Variants in DOCK1 observed in about 807,000 individuals in gnomAD.
DOCK1 encodes the protein dedicator of cytokinesis 1.
A neutral mutation model predicts 262.7 loss-of-function variants in DOCK1; 138 were observed. The observed-to-expected ratio is 0.53, with a 90% CI of 0.46 to 0.61. The LOEUF (loss-of-function observed/expected upper bound fraction) is 0.61, where lower values mean the gene tolerates loss of function less well. Ranked by LOEUF, DOCK1 falls within the 20% of genes least tolerant of loss-of-function variation. The pLI is 0.00. For missense variants in DOCK1, 1,908 were observed against 2,370.7 expected, an observed-to-expected ratio of 0.80 and a Z score of 4.05; for synonymous variants, 866 against 867.4, an observed-to-expected ratio of 1.00 and a Z score of 0.03.
At chr10:126,950,173 A>G (rs1476010554) in intron 1 of DOCK1, among the ~76,000 whole-genome samples, 2 of 152,068 alleles carry the variant, frequency 1.3e-5, no homozygotes, top group African/African-American at 4.8e-5. Flanking sequence ...TGGCTGTTCC[A>G]TGGTAAGGGG....
chr10:127,335,585 T>C (rs111757550), intron 29 of DOCK1, among the ~76,000 whole-genome samples: 3,244 of 152,126 alleles, frequency 0.021, 117 homozygotes, highest in African/African-American at 0.075. Flanking sequence ...TCTTGCTCTG[T>C]CACCCAGGCT....
At chr10:127,333,628 T>C (rs1265206324) in intron 29 of DOCK1, among the ~76,000 whole-genome samples, 2 of 152,222 alleles carry the variant, frequency 1.3e-5, no homozygotes, top group Non-Finnish European at 2.9e-5. Flanking sequence ...CCACCCGCCC[T>C]TTTTGTTCAA....
chr10:126,905,651 G>A (rs1311911350), intron 1 of DOCK1, 88 bp downstream of exon 1: 1 of 200,904 alleles, frequency 5.0e-6, no homozygotes, highest in Non-Finnish European at 9.8e-6. Flanking sequence ...CCGCCGCCCC[G>A]AGCGGCCGCC....
chr10:126,938,707 C>A, intron 1 of DOCK1, among the ~76,000 whole-genome samples: 1 of 151,858 alleles, frequency 6.6e-6, no homozygotes, highest in Non-Finnish European at 1.5e-5. Context: ...CTGCTCCCTG[C>A]TTCCAAAATG....
chr10:127,101,420 T>C (rs570233120), intron 23 of DOCK1, among the ~76,000 whole-genome samples: 50 of 152,324 alleles, frequency 3.3e-4, no homozygotes, highest in Non-Finnish European at 5.6e-4. Flanking sequence ...CCAGGACTGA[T>C]AGCAGATGCG....
At chr10:127,372,715 T>C (rs2065272278) in intron 33 of DOCK1, among the ~76,000 whole-genome samples, 1 of 152,170 alleles carries the variant, frequency 6.6e-6, no homozygotes, top group Admixed American at 6.5e-5. Context: ...AGAAAGTAGG[T>C]GATTGAACAT....
chr10:127,043,650 C>G (rs2044162496), intron 21 of DOCK1, among the ~76,000 whole-genome samples: 2 of 152,210 alleles, frequency 1.3e-5, no homozygotes, highest in Admixed American at 6.5e-5. Flanking sequence ...TGGATTCCTT[C>G]TATCCACCCC....
In DOCK1 at chr10:127,446,794, C is replaced by T. The variant is rs1446983460; in HGVS notation, c.5414-600C>T. ...CTCCGTTTGAAAACGGCTATTTTTT[C>T]CAGTTTACTTTAAAAATCAATTGTA... On this transcript the variant is annotated intron_variant, in intron 50 of 51. Transcript: ENST00000623213. The surrounding 1 kb of genome is among the most constrained non-coding windows in gnomAD (Gnocchi z 4.4). Among the ~76,000 whole-genome samples the T allele has an allele frequency of 6.6e-6, 1 of 152,276 alleles. No individual in the cohort carries two copies. Among genetic ancestry groups the T allele is most frequent in the African/African-American group, 2.4e-5 (1 of 41,542 alleles).
At chr10:127,000,751 T>TCTCCGCCATGTTGGTGCTGTTA (rs2040527170) in intron 10 of DOCK1, 1 of 159,104 alleles carries the variant, frequency 6.3e-6, no homozygotes, top group African/African-American at 2.4e-5. Flanking sequence ...TGGTGCTGTT[T>TCTCCGCCATGTTGGTGCTGTTA]CTCCGCCATG....
intron 23 of DOCK1, among the ~76,000 whole-genome samples, chr10:127,087,385 C>A: frequency 6.6e-6 from 1 of 152,106 alleles, no homozygotes; most frequent in East Asian, 1.9e-4. Context: ...GACTGAGTCA[C>A]AGAAATTCAT....
chr10:127,099,901 C>T (rs1219959560), intron 23 of DOCK1, among the ~76,000 whole-genome samples: 3 of 152,092 alleles, frequency 2.0e-5, no homozygotes, highest in Non-Finnish European at 4.4e-5. Context: ...TTGGGGTGGA[C>T]TTGGGTGGGG....
chr10:127,022,534 A>C (rs923777658), intron 13 of DOCK1, among the ~76,000 whole-genome samples: 4 of 151,848 alleles, frequency 2.6e-5, no homozygotes, highest in East Asian at 3.9e-4. Flanking sequence ...CTGGGATTAC[A>C]GGCCTGCACC....
chr10:127,222,227 T>A (rs2058463628), intron 27 of DOCK1, among the ~76,000 whole-genome samples: 1 of 152,196 alleles, frequency 6.6e-6, no homozygotes, highest in Non-Finnish European at 1.5e-5. Context: ...ATGCCAGCAT[T>A]TCCAGCATTT....
intron 40 of DOCK1, among the ~76,000 whole-genome samples, chr10:127,405,441 CTTT>C (rs36056116): frequency 7.5e-6 from 1 of 134,142 alleles, no homozygotes; most frequent in African/African-American, 2.8e-5. Flanking sequence ...TTTCTTATGA[CTTT>C]TTTTTTTTTT....
At chr10:127,305,001 G>C (rs571987385) in intron 29 of DOCK1, among the ~76,000 whole-genome samples, 175 of 152,140 alleles carry the variant, frequency 1.2e-3, no homozygotes, top group African/African-American at 4.1e-3. Context: ...TTTTGAACGT[G>C]GTTCCACTGA....
intron 27 of DOCK1, among the ~76,000 whole-genome samples, chr10:127,196,340 G>A (rs2057146121): frequency 6.7e-6 from 1 of 148,736 alleles, no homozygotes; most frequent in Non-Finnish European, 1.5e-5. Flanking sequence ...TGCTCGCGAC[G>A]CGGCGGAGCC....
At chr10:127,138,280 G>A (rs917686471) in intron 27 of DOCK1, among the ~76,000 whole-genome samples, 2 of 152,174 alleles carry the variant, frequency 1.3e-5, no homozygotes, top group African/African-American at 4.8e-5. Context: ...GTTGGTGTAT[G>A]TATTTGTGGA....
At chr10:126,937,129 C>A (rs1028109325) in intron 1 of DOCK1, among the ~76,000 whole-genome samples, 16 of 152,106 alleles carry the variant, frequency 1.1e-4, no homozygotes, top group African/African-American at 3.9e-4. Flanking sequence ...TAGTTTAAAG[C>A]CCTAATGGTT....
At chr10:127,271,135 T>G (rs1283391439) in intron 29 of DOCK1, among the ~76,000 whole-genome samples, 3 of 152,096 alleles carry the variant, frequency 2.0e-5, no homozygotes, top group Admixed American at 6.5e-5. Context: ...ATTTTTTTTT[T>G]GTCACTTAAT....
Sources: gnomAD v4.1 joint callset for allele counts (sites outside exome capture counted in the v4.1 genomes callset) on GRCh38, gnomAD v4.1.1 for gene constraint, Gnocchi (gnomAD v3.1) non-coding constraint, MANE v1.5 for transcripts, NCBI Gene and HGNC (gene_info 2026-07-23, HGNC 2026-07-21) for gene names.